ACTN3: variants seen among roughly 807,000 people sequenced by gnomAD.
ACTN3 encodes the protein alpha-actinin-3.
Under a neutral mutation model 119.6 loss-of-function variants are expected in ACTN3, and 91 were observed. The ratio of observed to expected loss-of-function variants is 0.76; its 90% CI spans 0.64 to 0.91. The LOEUF (loss-of-function observed/expected upper bound fraction) is 0.91, where lower values mean the gene tolerates loss of function less well. Among genes scored for constraint, ACTN3 ranks in the 40% least tolerant of loss-of-function variants. ACTN3 has a pLI of 0.00. For synonymous variants in ACTN3, 456 were observed against 478.8 expected (o/e 0.95, Z 0.62); for missense variants, 1,221 against 1,215.1 (o/e 1.00, Z -0.07).
intron 17 of ACTN3, 50 bp from the exon 18 acceptor site, chr11:66,561,972 T>C: frequency 6.4e-7 from 1 of 1,559,384 alleles, no homozygotes; most frequent in South Asian, 1.2e-5. Flanking sequence ...CTAGAGCCAG[T>C]GGCCAGGCAC....
intron 1 of ACTN3, among the ~76,000 whole-genome samples, chr11:66,549,409 C>A (rs1360145701): frequency 6.6e-6 from 1 of 152,148 alleles, no homozygotes; most frequent in Non-Finnish European, 1.5e-5. Context: ...ACTGTGAGCT[C>A]CCTTAGGGCA....
chr11:66,556,106 C>T (rs746776626), intron 7 of ACTN3, 39 bp from the exon 8 acceptor site: 62 of 1,573,934 alleles, frequency 3.9e-5, no homozygotes, highest in Non-Finnish European at 5.0e-5. Flanking sequence ...GGAGGGACCC[C>T]TGGCTTTGGC....
chr11:66,550,407 A>G (rs1857446251), intron 1 of ACTN3, among the ~76,000 whole-genome samples: 1 of 152,122 alleles, frequency 6.6e-6, no homozygotes, highest in Admixed American at 6.6e-5. Flanking sequence ...CCCATCTCAG[A>G]AGGAGGCTGA....
intron 11 of ACTN3, 173 bp downstream of exon 11, chr11:66,558,347 T>A: frequency 2.0e-6 from 1 of 505,122 alleles, no homozygotes; most frequent in Non-Finnish European, 2.6e-6. Flanking sequence ...AACCTAGGCC[T>A]CTCTTTTGGC....
intron 1 of ACTN3, among the ~76,000 whole-genome samples, chr11:66,548,589 G>T (rs1857412216): frequency 6.6e-6 from 1 of 152,086 alleles, no homozygotes; most frequent in African/African-American, 2.4e-5. Context: ...TTTCTTTCTT[G>T]TCCAGCGTTG....
chr11:66,561,074 T>C (rs892552414), intron 15 of ACTN3, 153 bp from the exon 16 acceptor site: 2 of 619,872 alleles, frequency 3.2e-6, no homozygotes, highest in Non-Finnish European at 4.0e-6. Context: ...GAAGCCCACA[T>C]GGGTTAGTGA....
chr11:66,563,098 C>G lies in ACTN3; in HGVS notation c.2611C>G (p.Arg871Gly). 6.2e-7 allele frequency: 1 copy of G among 1,613,372 alleles called. No individual in the cohort carries two copies. The highest frequency in any genetic ancestry group is 1.1e-5 in the South Asian group (1 of 91,066). Reference sequence around the variant, plus strand: ...TGCCAAGCAGGCCGAGTACTGCATCCGCCGTATGGTGCCCTACAAGGGATC... The same window carrying G: ...TGCCAAGCAGGCCGAGTACTGCATCGGCCGTATGGTGCCCTACAAGGGATC... ...LPAKQAEYCI[R>G]RMVPYKGSGA... is the part of the protein sequence containing the mutation. The change falls in exon 21 of 21, where the codon CGC (arginine) becomes GGC (glycine). Residue 871 changes from arginine to glycine, a missense_variant. This residue lies in a region of ACTN3 where 934 missense variants were observed against 899.9 expected (regional missense o/e 1.04). Transcript: ENST00000513398.
chr11:66,555,920 C>T (rs12223171), intron 7 of ACTN3, among the ~76,000 whole-genome samples: 4,558 of 152,276 alleles, frequency 0.03, 240 homozygotes, highest in East Asian at 0.14. Flanking sequence ...CACACTCACC[C>T]ACCCAGTCCC....
Position 66,551,224 on chromosome 11 carries a change from G to A in ACTN3, c.148-15G>A, listed in dbSNP as rs1343861794. On this transcript the variant is annotated splice_polypyrimidine_tract_variant and intron_variant, in intron 1 of 20. Coordinates refer to ENST00000513398, the MANE Select transcript of ACTN3 (RefSeq NM_001104.4). ...GAGCCAGTCGTAGGGTTTGAGTGCT[G>A]TCCTCTGCCCCTAGACCTTCACTGC... The A allele has an allele frequency of 6.3e-7, 1 of 1,589,350 alleles. No individual in the cohort carries two copies. The highest frequency in any genetic ancestry group is 1.7e-5 in the Admixed American group (1 of 57,232).
At chr11:66,560,496 G>A in intron 14 of ACTN3, 77 bp from the exon 15 acceptor site, 2 of 1,517,118 alleles carry the variant, frequency 1.3e-6, no homozygotes, top group Non-Finnish European at 1.8e-6. Context: ...TGGGTGGCCT[G>A]GGGCACACTG....
At chr11:66,559,208 T>A in intron 11 of ACTN3, 28 bp from the exon 12 acceptor site, 1 of 1,459,810 alleles carries the variant, frequency 6.9e-7, no homozygotes, top group Non-Finnish European at 9.1e-7. Flanking sequence ...CGCCACTGGG[T>A]GACCGGAGCC....
chr11:66,560,109 G>GGGGGGGGGGGGGGGGT, intron 13 of ACTN3, 33 bp downstream of exon 13: 4 of 1,048,510 alleles, frequency 3.8e-6, no homozygotes, highest in Non-Finnish European at 5.4e-6. Flanking sequence ...TGGGGGGTGG[G>GGGGGGGGGGGGGGGGT]TAGGTGGGTG....
At chr11:66,557,601 T>C in intron 9 of ACTN3, 98 bp from the exon 10 acceptor site, 13 of 1,315,526 alleles carry the variant, frequency 9.9e-6, no homozygotes, top group Non-Finnish European at 1.4e-5. Context: ...CACCCCCACC[T>C]ACACTCTGGC....
chr11:66,550,759 C>CA lies in ACTN3; in HGVS notation c.148-480_148-479insA, dbSNP rs879484094. 2.8e-3 allele frequency among the ~76,000 whole-genome samples: 429 copies of CA among 152,308 alleles called. 2 individuals carry two copies. The highest frequency in any genetic ancestry group is 0.01 in the Middle Eastern group (3 of 294). On this transcript the variant is annotated intron_variant, in intron 1 of 20. Transcript: ENST00000513398. The stretch of plus-strand genomic sequence containing the variant: ...CTACTTGGAGGCCAATTTACAACAA[C>CA]CCTAGAAGGTCAGTAGCACTGAGAA...
Position 66,552,170 on chromosome 11 carries a change from G to C in ACTN3, c.382+523G>C, listed in dbSNP as rs182550065. The stretch of plus-strand genomic sequence containing the variant: ...TGAGGTGTGGGGCTCACGAGGTCAG[G>C]AGATCAAGACCATCCTGGCCAACAT... On this transcript the variant is annotated intron_variant, in intron 3 of 20. Transcript: ENST00000513398. 2.5e-3 allele frequency among the ~76,000 whole-genome samples: 377 copies of C among 152,036 alleles called. 3 individuals are homozygous for C. The highest frequency in any genetic ancestry group is 2.5e-3 in the Non-Finnish European group (171 of 67,962).
Position 66,556,762 on chromosome 11 carries a change from G to GTTTTC in ACTN3, c.805-367_805-366insCTTTT, listed in dbSNP as rs59574118. Reference sequence around the variant, plus strand: ...GGGGGCTCTGTTTTTGTTTGTTTGTGTTTTGTTTTGTTTTTTGAGACGGAG... The same window carrying GTTTTC: ...GGGGGCTCTGTTTTTGTTTGTTTGTGTTTTCTTTTGTTTTGTTTTTTGAGACGGAG... On this transcript the variant is annotated intron_variant, in intron 8 of 20. Transcript: ENST00000513398. 6.0e-5 allele frequency among the ~76,000 whole-genome samples: 9 copies of GTTTTC among 149,256 alleles called. No individual in the cohort carries two copies. In the South Asian group the frequency reaches 1.9e-3, roughly 32 times the overall value.
rs755478725 is a variant in ACTN3, at chr11:66,560,751, A to G, written c.1856A>G (p.Asp619Gly). ...LSPQDINTKW[D>G]MVRKLVPSCD... ...CCGCAGGACATCAACACCAAGTGGG[A>G]TATGGTCAGTGCCACCTGCAGCCTT... Residue 619 changes from aspartate to glycine, a missense_variant, in exon 15 of 21, where the codon GAT becomes GGT. Transcript: ENST00000513398. 3 of 1,609,794 alleles carry G rather than the reference A, an allele frequency of 1.9e-6. No individual in the cohort carries two copies. Among genetic ancestry groups the G allele is most frequent in the Non-Finnish European group, 2.5e-6 (3 of 1,176,982 alleles).
chr11:66,562,506 C>G (rs968053157), intron 19 of ACTN3, among the ~76,000 whole-genome samples, 184 bp downstream of exon 19: 21 of 152,264 alleles, frequency 1.4e-4, no homozygotes, highest in African/African-American at 4.8e-4. Flanking sequence ...GACCCAAAGT[C>G]TGAGCTTGCA....
In ACTN3 at chr11:66,554,040, T is replaced by G; in HGVS notation, c.383-5T>G. The G allele has an allele frequency of 6.2e-7, 1 of 1,613,560 alleles. No individual in the cohort carries two copies. The highest frequency in any genetic ancestry group is 8.5e-7 in the Non-Finnish European group (1 of 1,179,752). Reference sequence around the variant, plus strand: ...CAAATCTGTCCCCTGACCCCTGCCCTGCAGAGATTGTTGACGGGAACCTGA... The same window carrying G: ...CAAATCTGTCCCCTGACCCCTGCCCGGCAGAGATTGTTGACGGGAACCTGA... On this transcript the variant is annotated splice_region_variant and splice_polypyrimidine_tract_variant and intron_variant, in intron 3 of 20. Transcript: ENST00000513398.
Sources: allele counts gnomAD v4.1 joint callset (sites outside exome capture counted in the v4.1 genomes callset), GRCh38; gene constraint gnomAD v4.1.1; regional missense constraint gnomAD v4.1.1; transcripts MANE v1.5; gene names NCBI Gene and HGNC (gene_info 2026-07-23, HGNC 2026-07-21).